The following MGAM variants were observed in gnomAD, a reference collection of about 807,000 sequenced individuals.
MGAM encodes alpha-1,4-glucosidase.
MGAM carries 253 observed loss-of-function variants against 358.8 expected under a neutral mutation model. That is an observed-to-expected ratio of 0.71 (90% confidence interval 0.64 to 0.78). MGAM has a LOEUF of 0.78. Ranked by LOEUF, MGAM falls within the 30% of genes least tolerant of loss-of-function variation. The pLI, the probability that MGAM is intolerant of heterozygous loss-of-function variation, is 0.00. For missense variants in MGAM, 3,080 were observed against 3,432.6 expected (o/e 0.90, Z 2.57); for synonymous variants, 1,105 against 1,227.1 (o/e 0.90, Z 2.08).
rs12154542 is a variant in MGAM at position 142,041,950 on chromosome 7, A to T, written c.2498+1104A>T. Among the ~76,000 whole-genome samples the T allele has an allele frequency of 7.6e-4, 6 of 7,936 alleles. 1 individual carries two copies. Among genetic ancestry groups the T allele is most frequent in the African/African-American group, 1.1e-3 (3 of 2,622 alleles). The allele number at this position is 7,936 out of a possible 152,430, so 5.2% of individuals were successfully genotyped here. A position where few individuals can be genotyped will look rare whatever the true frequency, so the allele number is the denominator to read the frequency against. ...TATAATATATATATTATATATATAC[A>T]TATATATAATATATATATATTATAT... On this transcript the variant is annotated intron_variant, in intron 21 of 70. Transcript: ENST00000475668.
At chr7:142,001,924 G>A (rs1804770883) in intron 1 of MGAM, among the ~76,000 whole-genome samples, 1 of 152,120 alleles carries the variant, frequency 6.6e-6, no homozygotes, top group Non-Finnish European at 1.5e-5. Flanking sequence ...TAAGAAGGTG[G>A]CAATAGATAA....
In MGAM at chr7:142,055,571, C is replaced by A. The variant is rs2129034991; in HGVS notation, c.3328C>A (p.Leu1110Ile). ...STGTIIWDSQLLGFTFSDMFI... is the reference protein window; with the variant it reads ...STGTIIWDSQILGFTFSDMFI... ...TTTGTGTTTCAGTTGGGACTCTCAG[C>A]TCCTTGGCTTTACCTTCAGTGACAT... Residue 1110 changes from leucine (L) to isoleucine (I), a missense_variant, in exon 28 of 71, where the codon CTC becomes ATC. Coordinates refer to ENST00000475668, the MANE Select transcript of MGAM (RefSeq NM_001365693.1). The A allele has an allele frequency of 5.0e-6, 8 of 1,613,926 alleles. No homozygotes were observed. The highest frequency in any genetic ancestry group is 4.5e-5 in the East Asian group (2 of 44,868).
upstream of MGAM, among the ~76,000 whole-genome samples, chr7:141,994,314 AC>A (rs1402404657): frequency 6.6e-6 from 1 of 152,226 alleles, no homozygotes; most frequent in Non-Finnish European, 1.5e-5. Flanking sequence ...TGTTGGCCAA[AC>A]AAGAGCAGGC....
Position 142,033,815 on chromosome 7 carries a change from G to C in MGAM, c.1670-447G>C, listed in dbSNP as rs529249493. On this transcript the variant is annotated intron_variant, in intron 14 of 70. Transcript: ENST00000475668. ...CCACAGATAATGTGGATCTCAAACA[G>C]AGTGGTGCAATGGGAGCAGAGAGGA... 6.6e-5 allele frequency among the ~76,000 whole-genome samples: 10 copies of C among 152,276 alleles called. No individual in the cohort carries two copies. The South Asian group carries it at 2.1e-3, about 32-fold the overall frequency.
At chr7:142,021,200 T>A (rs1343152953) in intron 5 of MGAM, 117 bp downstream of exon 5, 1 of 670,398 alleles carries the variant, frequency 1.5e-6, no homozygotes, top group Non-Finnish European at 2.5e-6. Flanking sequence ...TCTATATTGC[T>A]ATTATTAATT....
intron 21 of MGAM, among the ~76,000 whole-genome samples, chr7:142,046,184 G>C (rs1388025383): frequency 1.4e-5 from 2 of 139,264 alleles, no homozygotes; most frequent in African/African-American, 5.4e-5. Flanking sequence ...TTTGTTTTTT[G>C]CTCCTTAGAT....
rs763733741 is a variant in MGAM, at chr7:142,095,515, C to T, written c.7459-50C>T. 25 of 1,610,642 alleles carry T rather than the reference C, an allele frequency of 1.6e-5. No homozygotes were observed. In the Admixed American group the frequency reaches 3.7e-4, roughly 24 times the overall value. Reference sequence around the variant, plus strand: ...ATGCTTTCAGTGACCTTCTTAAATCCCCTAGAAATTCCAGGGCAAGCTCCC... The same window carrying T: ...ATGCTTTCAGTGACCTTCTTAAATCTCCTAGAAATTCCAGGGCAAGCTCCC... On this transcript the variant is annotated intron_variant, in intron 63 of 70. Coordinates refer to ENST00000475668, the MANE Select transcript of MGAM (RefSeq NM_001365693.1).
At chr7:141,991,541 A>G (rs1401429616), upstream of MGAM, among the ~76,000 whole-genome samples, 5 of 152,012 alleles carry the variant, frequency 3.3e-5, no homozygotes, top group South Asian at 4.2e-4. Context: ...GGTTCAAGCA[A>G]TTCTCCTGCC....
At chr7:142,099,588 A>G (rs368054585) in intron 66 of MGAM, 25 bp from the exon 67 acceptor site, 256 of 1,613,612 alleles carry the variant, frequency 1.6e-4, no homozygotes, top group Non-Finnish European at 2.1e-4. Flanking sequence ...CTCCTTAGTC[A>G]TCTCTTACCT....
upstream of MGAM, among the ~76,000 whole-genome samples, chr7:141,991,970 T>C (rs1487046056): frequency 1.3e-5 from 2 of 152,156 alleles, no homozygotes; most frequent in African/African-American, 4.8e-5. Context: ...ATCATAGATG[T>C]TGTGCAGGGT....
chr7:142,086,181 T>C (rs1461518513), intron 55 of MGAM, 37 bp from the exon 56 acceptor site: 2 of 1,489,020 alleles, frequency 1.3e-6, no homozygotes, highest in Non-Finnish European at 1.8e-6. Flanking sequence ...ATTCTGTGGC[T>C]TTGATTTTTC....
At chr7:142,050,588 C>T in intron 23 of MGAM, 109 bp from the exon 24 acceptor site, 7 of 1,126,682 alleles carry the variant, frequency 6.2e-6, no homozygotes, top group Non-Finnish European at 9.1e-6. Context: ...AGCAGAGAGG[C>T]ATTTATGGCA....
At chr7:142,086,078 T>G (rs1299082768) in intron 55 of MGAM, 117 bp downstream of exon 55, 20 of 1,469,928 alleles carry the variant, frequency 1.4e-5, no homozygotes, top group South Asian at 2.5e-5. Context: ...TAGTAAGAAA[T>G]GTGTATTTCC....
intron 1 of MGAM, among the ~76,000 whole-genome samples, chr7:141,998,416 C>A (rs1395895554): frequency 6.6e-6 from 1 of 152,108 alleles, no homozygotes. Flanking sequence ...AGCCCGCCAT[C>A]CCCTGACAGG....
chr7:142,048,516 A>ATTTTTTTTTTTTTTTT, intron 22 of MGAM, among the ~76,000 whole-genome samples: 1 of 151,942 alleles, frequency 6.6e-6, no homozygotes. Flanking sequence ...CCGTAACCCA[A>ATTTTTTTTTTTTTTTT]TGTTAATGTC....
At chr7:142,046,237 A>C (rs1386029234) in intron 21 of MGAM, among the ~76,000 whole-genome samples, 2 of 150,476 alleles carry the variant, frequency 1.3e-5, no homozygotes, top group African/African-American at 2.4e-5. Flanking sequence ...TTTCAAGAAC[A>C]GTTGTATACT....
rs1808871944 is a variant in MGAM at position 142,042,159 on chromosome 7, CATATAAT to C, written c.2498+1327_2498+1333del. Among the ~76,000 whole-genome samples, 24 of 31,234 alleles carry C rather than the reference CATATAAT, an allele frequency of 7.7e-4. 2 individuals carry two copies. Among genetic ancestry groups the C allele is most frequent in the Admixed American group, 1.4e-3 (2 of 1,384 alleles). 20.5% of individuals were successfully genotyped at this position (31,234 alleles called of 152,430 possible). A position where few individuals can be genotyped will look rare whatever the true frequency, so the allele number is the denominator to read the frequency against. ...TAATATATAACATATAATATATATA[CATATAAT>C]ATATAATATATAACATATTATATAT... On this transcript the variant is annotated intron_variant, in intron 21 of 70. Transcript: ENST00000475668.
rs1585075556 is a variant in MGAM, at chr7:142,082,060, T to A, written c.6021T>A (p.Leu2007=). The change falls in exon 51 of 71, where the codon CTT becomes CTA. Residue 2007 remains leucine, a synonymous_variant. Transcript: ENST00000475668. The stretch of plus-strand genomic sequence containing the variant: ...GTTTCAGTTGGGACTCTCAGCTCCT[T>A]GGCTTCACCTTCAATGACATGTTTA... ...TGTIIWDSQL[L]GFTFNDMFIR... 1.9e-6 allele frequency: 3 copies of A among 1,555,674 alleles called. No homozygotes were observed. The highest frequency in any genetic ancestry group is 2.7e-5 in the African/African-American group (2 of 74,598).
intron 4 of MGAM, among the ~76,000 whole-genome samples, chr7:142,019,715 T>A (rs1806260689): frequency 6.6e-6 from 1 of 152,162 alleles, no homozygotes; most frequent in Non-Finnish European, 1.5e-5. Flanking sequence ...GTTATGAAAG[T>A]TACTAGTCAA....
Sources: allele counts gnomAD v4.1 joint callset (sites outside exome capture counted in the v4.1 genomes callset), GRCh38; gene constraint gnomAD v4.1.1; transcripts MANE v1.5; gene names NCBI Gene and HGNC (gene_info 2026-07-23, HGNC 2026-07-21).